Variants in TNPO1 observed in about 807,000 individuals in gnomAD.
TNPO1 encodes the protein transportin-1.
TNPO1 carries 8 observed loss-of-function variants against 119.5 expected under a neutral mutation model. The observed-to-expected ratio is 0.07, with a 90% CI of 0.04 to 0.12. TNPO1 has a LOEUF of 0.12. Ranked by LOEUF, TNPO1 falls within the 10% of genes least tolerant of loss-of-function variation. The pLI, the probability that TNPO1 is intolerant of heterozygous loss-of-function variation, is 1.00. For missense variants in TNPO1, 576 were observed against 1,089.8 expected, an observed-to-expected ratio of 0.53 and a Z score of 6.64; for synonymous variants, 362 against 363.0, an observed-to-expected ratio of 1.00 and a Z score of 0.03.
At chr5:72,844,188 T>G (rs986727911) in intron 1 of TNPO1, among the ~76,000 whole-genome samples, 4 of 152,196 alleles carry the variant, frequency 2.6e-5, no homozygotes, top group Non-Finnish European at 4.4e-5. Flanking sequence ...AATATGACAG[T>G]TTCTAGAATG....
At chr5:72,861,461 T>A (rs1224142136) in intron 4 of TNPO1, among the ~76,000 whole-genome samples, 3 of 152,160 alleles carry the variant, frequency 2.0e-5, no homozygotes, top group Non-Finnish European at 2.9e-5. Flanking sequence ...GAGTGTGGTC[T>A]CATAGTCATG....
rs1337979224 is a variant in TNPO1, at chr5:72,913,202, T to C, written c.*4529T>C. 2.0e-5 allele frequency: 3 copies of C among 152,606 alleles called. No individual in the cohort carries two copies. Among genetic ancestry groups the C allele is most frequent in the East Asian group, 3.9e-4 (2 of 5,184 alleles). The allele number at this position is 152,606 out of a possible 1,614,324, so 9.5% of individuals were successfully genotyped here. A position where few individuals can be genotyped will look rare whatever the true frequency, so the allele number is the denominator to read the frequency against. On this transcript the variant is annotated 3_prime_UTR_variant, in exon 25 of 25. Transcript: ENST00000337273. The stretch of plus-strand genomic sequence containing the variant: ...AGTGCATTTTATACTGTATTAAATA[T>C]GGAGATACTTCTAATGCCTCTCTAA...
In TNPO1 at chr5:72,893,183, G is replaced by T; in HGVS notation, c.1833G>T (p.Pro611=). 6.2e-7 allele frequency: 1 copy of T among 1,614,122 alleles called. No individual in the cohort carries two copies. Among genetic ancestry groups the T allele is most frequent in the Non-Finnish European group, 8.5e-7 (1 of 1,180,010 alleles). ...VATALQSGFL[P]YCEPVYQRCV... The stretch of plus-strand genomic sequence containing the variant: ...CAGCACTGCAGTCTGGATTCCTTCC[G>T]TACTGTGAACCTGTGTATCAGCGTT... The change falls in exon 16 of 25, where the codon CCG becomes CCT. Residue 611 remains proline (P), a synonymous_variant. Transcript: ENST00000337273.
At chr5:72,819,210 G>A (rs771318060) in intron 1 of TNPO1, among the ~76,000 whole-genome samples, 1 of 152,160 alleles carries the variant, frequency 6.6e-6, no homozygotes, top group African/African-American at 2.4e-5. Context: ...CAGGCAAAGA[G>A]GGGGAAATCT....
chr5:72,859,999 A>G (rs1008485455), intron 4 of TNPO1, among the ~76,000 whole-genome samples: 4 of 152,308 alleles, frequency 2.6e-5, no homozygotes, highest in Admixed American at 6.5e-5. Flanking sequence ...ATGGAAGGCT[A>G]TTTTATTGTA....
intron 4 of TNPO1, among the ~76,000 whole-genome samples, chr5:72,859,393 G>T (rs1321362421): frequency 2.0e-5 from 3 of 152,190 alleles, no homozygotes; most frequent in African/African-American, 7.2e-5. Context: ...GGGTCAGGGA[G>T]TGCCTGACTG....
intron 6 of TNPO1, among the ~76,000 whole-genome samples, chr5:72,868,086 TC>T (rs1458203300): frequency 6.6e-6 from 1 of 152,200 alleles, no homozygotes; most frequent in Non-Finnish European, 1.5e-5. Flanking sequence ...AATATCTTAA[TC>T]CTTTTTTGTC....
At position 72,911,341 on chromosome 5, in the gene TNPO1, A is replaced by C. The variant is rs1159810127; in HGVS notation, c.*2668A>C. 2 of 152,518 alleles carry C rather than the reference A, an allele frequency of 1.3e-5. No homozygotes were observed. The highest frequency in any genetic ancestry group is 1.9e-4 in the East Asian group (1 of 5,188). 9.4% of individuals were successfully genotyped at this position (152,518 alleles called of 1,614,324 possible). On this transcript the variant is annotated 3_prime_UTR_variant, in exon 25 of 25. Coordinates refer to ENST00000337273, the MANE Select transcript of TNPO1 (RefSeq NM_002270.4). ...TGACTTTTTTTTTTTATTTAAATGAAATTTAATTTGAAAATAGAAAATAAA... is the reference window on the plus strand; with the variant it reads ...TGACTTTTTTTTTTTATTTAAATGACATTTAATTTGAAAATAGAAAATAAA...
intron 1 of TNPO1, among the ~76,000 whole-genome samples, chr5:72,818,630 G>A (rs1264440970): frequency 6.6e-6 from 1 of 152,196 alleles, no homozygotes; most frequent in African/African-American, 2.4e-5. Context: ...CTGCAGAGAG[G>A]AGCACAGCAG....
chr5:72,902,023 C>T (rs1183711218), intron 22 of TNPO1, among the ~76,000 whole-genome samples: 4 of 151,400 alleles, frequency 2.6e-5, no homozygotes, highest in East Asian at 3.9e-4. Flanking sequence ...TGCAATGAGC[C>T]GAGATCGCGC....
At position 72,851,183 on chromosome 5, in the gene TNPO1, A is replaced by C. The variant is rs558133077; in HGVS notation, c.130-61A>C. 17 of 1,053,034 alleles carry C rather than the reference A, an allele frequency of 1.6e-5. No individual in the cohort carries two copies. The South Asian group carries it at 2.4e-4, about 15-fold the overall frequency. The allele number at this position is 1,053,034 out of a possible 1,614,324, so 65.2% of individuals were successfully genotyped here. ...AAGAGATCCTTGATTTTTAGATTTA[A>C]AATGCTTAATTTCTTCCTGAGATTA... On this transcript the variant is annotated intron_variant, in intron 2 of 24. Transcript: ENST00000337273.
chr5:72,827,952 A>G (rs1168645263), intron 1 of TNPO1, among the ~76,000 whole-genome samples: 1 of 151,998 alleles, frequency 6.6e-6, no homozygotes, highest in East Asian at 1.9e-4. Flanking sequence ...TTCAACCAGC[A>G]AAGTTTGAGA....
At chr5:72,824,533 A>C (rs1744119991) in intron 1 of TNPO1, among the ~76,000 whole-genome samples, 1 of 152,200 alleles carries the variant, frequency 6.6e-6, no homozygotes, top group African/African-American at 2.4e-5. Context: ...AGCATTTGAC[A>C]CAGCTGTTTG....
intron 1 of TNPO1, among the ~76,000 whole-genome samples, chr5:72,829,315 A>T (rs1744342933): frequency 6.6e-6 from 1 of 152,204 alleles, no homozygotes; most frequent in African/African-American, 2.4e-5. Flanking sequence ...CTTCCGTTGG[A>T]TAGAAGCACA....
At position 72,912,156 on chromosome 5, in the gene TNPO1, A is replaced by T. The variant is rs1750609435; in HGVS notation, c.*3483A>T. The stretch of plus-strand genomic sequence containing the variant: ...AATAATCTTTTAAGAGCCAGTTCTG[A>T]TGCTTTACATTATTGCTACTTGATT... On this transcript the variant is annotated 3_prime_UTR_variant, in exon 25 of 25. Coordinates refer to ENST00000337273, the MANE Select transcript of TNPO1 (RefSeq NM_002270.4). 2 of 152,506 alleles carry T rather than the reference A, an allele frequency of 1.3e-5. No individual in the cohort carries two copies. 9.4% of individuals were successfully genotyped at this position (152,506 alleles called of 1,614,324 possible).
At chr5:72,905,077 A>G (rs1750048059) in intron 23 of TNPO1, among the ~76,000 whole-genome samples, 1 of 152,218 alleles carries the variant, frequency 6.6e-6, no homozygotes, top group Non-Finnish European at 1.5e-5. Flanking sequence ...GGTCCCTCCC[A>G]CAACACGTGG....
At chr5:72,834,216 TTGATAA>T (rs1236152357) in intron 1 of TNPO1, among the ~76,000 whole-genome samples, 2 of 152,232 alleles carry the variant, frequency 1.3e-5, no homozygotes, top group Non-Finnish European at 2.9e-5. Flanking sequence ...TACATAATAC[TTGATAA>T]TGATAGTAAA....
chr5:72,882,652 AATAGG>A, intron 10 of TNPO1, 125 bp downstream of exon 10: 1 of 629,524 alleles, frequency 1.6e-6, no homozygotes, highest in South Asian at 2.6e-5. Context: ...TATTATCCAT[AATAGG>A]ATAGAAGCAT....
chr5:72,880,478 C>T (rs1748155866), intron 9 of TNPO1, among the ~76,000 whole-genome samples: 1 of 151,950 alleles, frequency 6.6e-6, no homozygotes, highest in East Asian at 1.9e-4. Context: ...ATTCAGTAAA[C>T]GTTTATTGTC....
Sources: gnomAD v4.1 joint callset for allele counts (sites outside exome capture counted in the v4.1 genomes callset) on GRCh38, gnomAD v4.1.1 for gene constraint, MANE v1.5 for transcripts, NCBI Gene and HGNC (gene_info 2026-07-23, HGNC 2026-07-21) for gene names.